Variants in ROBO2 observed in about 807,000 individuals in gnomAD.
ROBO2 encodes roundabout guidance receptor 2, also known as roundabout homolog 2.
A neutral mutation model predicts 160.8 loss-of-function variants in ROBO2; 53 were observed. The observed-to-expected ratio is 0.33, with a 90% CI of 0.26 to 0.41. The LOEUF (loss-of-function observed/expected upper bound fraction) is 0.41. Ranked by LOEUF, ROBO2 falls within the 10% of genes least tolerant of loss-of-function variation. The pLI is 1.00. For synonymous variants in ROBO2, 664 were observed against 611.7 expected, an observed-to-expected ratio of 1.09 and a Z score of -1.26; for missense variants, 1,577 against 1,722.4, an observed-to-expected ratio of 0.92 and a Z score of 1.49.
chr3:76,066,750 A>G lies in ROBO2; in HGVS notation c.109+129148A>G, dbSNP rs533777614. On this transcript the variant is annotated intron_variant, in intron 2 of 26. Transcript: ENST00000487694. ...CAGACATTTATCTTAGTGTTACTTT[A>G]TAGTAAGTTCTTTTCTGTTCTCTTT... Among the ~76,000 whole-genome samples the G allele has an allele frequency of 7.2e-5, 11 of 152,048 alleles. No homozygotes were observed. The South Asian group carries it at 2.3e-3, about 31-fold the overall frequency.
chr3:77,226,867 T>G (rs2086564440), intron 2 of ROBO2, among the ~76,000 whole-genome samples: 1 of 152,134 alleles, frequency 6.6e-6, no homozygotes, highest in Non-Finnish European at 1.5e-5. Flanking sequence ...CAAATACAGT[T>G]GCTACTGAAT....
At chr3:77,082,082 A>T (rs1436027604) in intron 1 of ROBO2, among the ~76,000 whole-genome samples, 1 of 152,228 alleles carries the variant, frequency 6.6e-6, no homozygotes, top group Non-Finnish European at 1.5e-5. Context: ...TAACTTGGTC[A>T]TAATAAGAGA....
At chr3:76,649,356 A>G (rs1460493134) in intron 2 of ROBO2, among the ~76,000 whole-genome samples, 1 of 152,172 alleles carries the variant, frequency 6.6e-6, no homozygotes, top group Non-Finnish European at 1.5e-5. Context: ...TTTCAGAATA[A>G]ACTTAATTTA....
intron 2 of ROBO2, among the ~76,000 whole-genome samples, chr3:76,776,207 A>G (rs762157690): frequency 6.6e-5 from 10 of 150,954 alleles, no homozygotes; most frequent in East Asian, 3.9e-4. Context: ...TGAACTCTAT[A>G]TAGTTAAAAA....
chr3:77,528,348 T>A (rs1174496996), intron 6 of ROBO2, among the ~76,000 whole-genome samples: 2 of 151,624 alleles, frequency 1.3e-5, no homozygotes, highest in Non-Finnish European at 3.0e-5. Flanking sequence ...AAATTGTCCA[T>A]CTAGCTTCAA....
intron 2 of ROBO2, among the ~76,000 whole-genome samples, chr3:77,335,990 C>A (rs1471052720): frequency 6.6e-6 from 1 of 152,084 alleles, no homozygotes; most frequent in African/African-American, 2.4e-5. Context: ...ACTGTAAGAA[C>A]AAAAGAGAAG....
intron 2 of ROBO2, among the ~76,000 whole-genome samples, chr3:77,103,874 C>T (rs2072405972): frequency 6.6e-6 from 1 of 152,122 alleles, no homozygotes; most frequent in Non-Finnish European, 1.5e-5. Flanking sequence ...AAAATGAAGA[C>T]AAGGTAAAGA....
At chr3:76,436,176 A>ACACACACACACACACACACACACACACC (rs1034830235) in intron 2 of ROBO2, among the ~76,000 whole-genome samples, 22 of 150,648 alleles carry the variant, frequency 1.5e-4, no homozygotes, top group African/African-American at 5.2e-4. Context: ...ACACACACAC[A>ACACACACACACACACACACACACACACC]CACACCATTT....
chr3:76,940,339 G>C (rs2078096363), intron 2 of ROBO2, among the ~76,000 whole-genome samples: 1 of 152,098 alleles, frequency 6.6e-6, no homozygotes, highest in Non-Finnish European at 1.5e-5. Flanking sequence ...AAGTGTTTGT[G>C]ATTTAGCACA....
intron 2 of ROBO2, among the ~76,000 whole-genome samples, chr3:76,987,927 A>G (rs2149357363): frequency 6.6e-6 from 1 of 152,298 alleles, no homozygotes; most frequent in African/African-American, 2.4e-5. Flanking sequence ...TGTCAAATTT[A>G]AAATTAAGTG....
At chr3:75,943,685 CT>C (rs1193946230) in intron 2 of ROBO2, among the ~76,000 whole-genome samples, 4 of 151,858 alleles carry the variant, frequency 2.6e-5, no homozygotes, top group African/African-American at 9.7e-5. Context: ...CTAAGATATT[CT>C]TTTTTTGTTT....
chr3:77,080,193 T>C (rs1032878899), intron 1 of ROBO2, among the ~76,000 whole-genome samples: 1 of 152,180 alleles, frequency 6.6e-6, no homozygotes, highest in African/African-American at 2.4e-5. Flanking sequence ...TCGCTGTGTC[T>C]GTAACTAGAA....
intron 2 of ROBO2, among the ~76,000 whole-genome samples, chr3:77,332,061 T>C (rs189266079): frequency 1.6e-4 from 25 of 152,308 alleles, no homozygotes; most frequent in Admixed American, 1.6e-3. Flanking sequence ...TGATATCCTT[T>C]GTAGTCTGTA....
At chr3:77,462,166 C>T (rs984679516) in intron 2 of ROBO2, among the ~76,000 whole-genome samples, 2 of 152,106 alleles carry the variant, frequency 1.3e-5, no homozygotes, top group Admixed American at 1.3e-4. Flanking sequence ...CTGTAAGCCG[C>T]TCTCAACTAA....
chr3:77,415,644 T>C (rs1581764279), intron 2 of ROBO2, among the ~76,000 whole-genome samples: 1 of 151,934 alleles, frequency 6.6e-6, no homozygotes, highest in Non-Finnish European at 1.5e-5. Flanking sequence ...CAACCCAGGG[T>C]AGGGCACAGG....
At position 77,494,357 on chromosome 3, in the gene ROBO2, A is replaced by G. The variant is rs531999353; in HGVS notation, c.806+975A>G. Among the ~76,000 whole-genome samples the G allele has an allele frequency of 3.9e-5, 6 of 152,182 alleles. No individual in the cohort carries two copies. In the South Asian group the frequency reaches 1.2e-3, roughly 32 times the overall value. ...TTTGGGAGGCCGAGGCAGGTGGATCATTTCATGTCAGGAGTTCAAGACCAG... is the reference window on the plus strand; with the variant it reads ...TTTGGGAGGCCGAGGCAGGTGGATCGTTTCATGTCAGGAGTTCAAGACCAG... On this transcript the variant is annotated intron_variant, in intron 5 of 25. Coordinates refer to ENST00000461745, the Ensembl canonical transcript of ROBO2.
At chr3:76,377,083 T>C (rs2076385172) in intron 2 of ROBO2, among the ~76,000 whole-genome samples, 1 of 152,188 alleles carries the variant, frequency 6.6e-6, no homozygotes, top group African/African-American at 2.4e-5. Context: ...CTGGTCCTGT[T>C]GTTATAGTAA....
At chr3:76,227,843 C>T (rs1269444650) in intron 2 of ROBO2, among the ~76,000 whole-genome samples, 1 of 152,176 alleles carries the variant, frequency 6.6e-6, no homozygotes, top group African/African-American at 2.4e-5. Context: ...CTCTGGCAAT[C>T]TTTTGAACAC....
chr3:76,304,922 C>T (rs892000343), intron 2 of ROBO2, among the ~76,000 whole-genome samples: 1 of 151,598 alleles, frequency 6.6e-6, no homozygotes, highest in Admixed American at 6.6e-5. Context: ...GGGGTAAATC[C>T]ACCATTTCTT....
Sources: gnomAD v4.1 joint callset for allele counts (sites outside exome capture counted in the v4.1 genomes callset) on GRCh38, gnomAD v4.1.1 for gene constraint, MANE v1.5 for transcripts, NCBI Gene and HGNC (gene_info 2026-07-23, HGNC 2026-07-21) for gene names.